DNAAF5: variants seen among roughly 807,000 people sequenced by gnomAD.
DNAAF5 encodes the protein dynein axonemal assembly factor 5, also known as HEAT repeat containing 2.
DNAAF5 carries 64 observed loss-of-function variants against 75.8 expected under a neutral mutation model. The observed-to-expected ratio is 0.84, with a 90% CI of 0.69 to 1.04. The LOEUF is 1.04. Ranked by LOEUF, DNAAF5 falls within the 50% of genes least tolerant of loss-of-function variation. The pLI, the probability that DNAAF5 is intolerant of heterozygous loss-of-function variation, is 0.00. For missense variants in DNAAF5, 1,269 were observed against 1,178.5 expected, an observed-to-expected ratio of 1.08 and a Z score of -1.12; for synonymous variants, 657 against 557.2, an observed-to-expected ratio of 1.18 and a Z score of -2.52.
intron 4 of DNAAF5, among the ~76,000 whole-genome samples, chr7:750,033 G>T (rs1038648485): frequency 6.6e-6 from 1 of 152,138 alleles, no homozygotes; most frequent in Non-Finnish European, 1.5e-5. Flanking sequence ...AGAAAAACAG[G>T]CTTCAGAACC....
At chr7:745,222 C>A (rs1782045710) in intron 4 of DNAAF5, among the ~76,000 whole-genome samples, 1 of 152,218 alleles carries the variant, frequency 6.6e-6, no homozygotes, top group Non-Finnish European at 1.5e-5. Flanking sequence ...GCAAATCGTT[C>A]TCCACGTGCT....
chr7:730,024 T>A (rs1320373054), intron 2 of DNAAF5, among the ~76,000 whole-genome samples, 177 bp downstream of exon 2: 2 of 152,214 alleles, frequency 1.3e-5, no homozygotes, highest in African/African-American at 2.4e-5. Context: ...AGAAGAGAGC[T>A]GAACTGTTTT....
At chr7:735,820 G>C (rs1018154872) in intron 2 of DNAAF5, among the ~76,000 whole-genome samples, 3 of 151,572 alleles carry the variant, frequency 2.0e-5, no homozygotes, top group East Asian at 3.9e-4. Context: ...TACTAATTTT[G>C]GGTTTGGTTT....
chr7:759,080 C>G (rs532804060), intron 6 of DNAAF5, among the ~76,000 whole-genome samples: 1 of 149,332 alleles, frequency 6.7e-6, no homozygotes, highest in African/African-American at 2.5e-5. Context: ...GCTCTTCCCA[C>G]GCCCCTGTGC....
chr7:740,941 C>T lies in DNAAF5; in HGVS notation c.903C>T (p.Val301=). ...LSSLNDEVPE[V]RQLAASLWED... ...GCCTCAACGACGAGGTGCCTGAGGT[C>T]AGGTACGTGGGCAGGCGGCCGCGGG... The change falls in exon 3 of 13, where the codon GTC becomes GTT. Residue 301 remains valine, a splice_region_variant and synonymous_variant. Coordinates refer to ENST00000297440, the MANE Select transcript of DNAAF5 (RefSeq NM_017802.4). 3 of 1,612,998 alleles carry T rather than the reference C, an allele frequency of 1.9e-6. No homozygotes were observed. The highest frequency in any genetic ancestry group is 1.3e-5 in the African/African-American group (1 of 75,060).
chr7:729,486 G>A (rs970570899), intron 1 of DNAAF5, among the ~76,000 whole-genome samples, 177 bp from the exon 2 acceptor site: 26 of 152,226 alleles, frequency 1.7e-4, no homozygotes, highest in African/African-American at 5.8e-4. Flanking sequence ...TGTGCCGGGC[G>A]GTACAGAGCT....
At chr7:773,392 C>T (rs1319726543) in intron 9 of DNAAF5, among the ~76,000 whole-genome samples, 1 of 152,128 alleles carries the variant, frequency 6.6e-6, no homozygotes, top group Non-Finnish European at 1.5e-5. Flanking sequence ...TTGAAACATA[C>T]CGTGGTGTTG....
At position 754,580 on chromosome 7, in the gene DNAAF5, TCG is replaced by T. The variant is rs1324028962; in HGVS notation, c.1025-8_1025-7del. ...AATTTCTCATTCTTCTTTCCCTTTTTCGTTCCAGAGCGCCGCCCTGTGCTGGG... is the reference window on the plus strand; with the variant it reads ...AATTTCTCATTCTTCTTTCCCTTTTTTTCCAGAGCGCCGCCCTGTGCTGGG... On this transcript the variant is annotated splice_region_variant and splice_polypyrimidine_tract_variant and intron_variant, in intron 4 of 12. Coordinates refer to ENST00000297440, the MANE Select transcript of DNAAF5 (RefSeq NM_017802.4). This position sits in a 1 kb window ranked among gnomAD's most constrained non-coding sequence, Gnocchi z 4.8. 5.0e-6 allele frequency: 8 copies of T among 1,606,598 alleles called. No homozygotes were observed. The highest frequency in any genetic ancestry group is 3.3e-5 in the South Asian group (3 of 90,724).
chr7:762,896 G>A (rs896475176), intron 7 of DNAAF5, among the ~76,000 whole-genome samples: 5 of 152,212 alleles, frequency 3.3e-5, no homozygotes, highest in Admixed American at 2.6e-4. Context: ...TCATAGGCAT[G>A]AGCCACCGCA....
At chr7:747,311 T>C (rs537708875) in intron 4 of DNAAF5, among the ~76,000 whole-genome samples, 8 of 152,264 alleles carry the variant, frequency 5.3e-5, no homozygotes, top group African/African-American at 1.9e-4. Flanking sequence ...AGTGTGTCGG[T>C]TGGTGTGCAG....
rs111944919 is a variant in DNAAF5 at position 732,306 on chromosome 7, G to A, written c.780+2459G>A. ...GGACACTGACCACACCCAGAACCCC[G>A]GCGAGGCAGGCAGGACGGACGTATG... On this transcript the variant is annotated intron_variant, in intron 2 of 12. Coordinates refer to ENST00000297440, the MANE Select transcript of DNAAF5 (RefSeq NM_017802.4). Among the ~76,000 whole-genome samples, 1,243 of 152,360 alleles carry A rather than the reference G, an allele frequency of 8.2e-3. 25 individuals are homozygous for A. Among genetic ancestry groups the A allele is most frequent in the African/African-American group, 0.029 (1,193 of 41,590 alleles).
chr7:740,681 G>T (rs564766636), intron 2 of DNAAF5, 138 bp from the exon 3 acceptor site: 2 of 1,221,986 alleles, frequency 1.6e-6, no homozygotes, highest in South Asian at 2.7e-5. Context: ...GCATCTAGGC[G>T]GTGGTAGGTG....
At chr7:762,409 C>T (rs958976037) in intron 7 of DNAAF5, among the ~76,000 whole-genome samples, 4 of 151,596 alleles carry the variant, frequency 2.6e-5, no homozygotes, top group African/African-American at 9.7e-5. Context: ...ATTGCTTGAA[C>T]CAGGGAAGCA....
At chr7:734,327 A>G (rs767325448) in intron 2 of DNAAF5, among the ~76,000 whole-genome samples, 23 of 152,194 alleles carry the variant, frequency 1.5e-4, no homozygotes, top group Non-Finnish European at 3.2e-4. Context: ...AATTTTATCA[A>G]TACTTTTCAG....
intron 6 of DNAAF5, among the ~76,000 whole-genome samples, chr7:761,148 C>T (rs1782630236): frequency 6.6e-6 from 1 of 152,240 alleles, no homozygotes; most frequent in Non-Finnish European, 1.5e-5. Context: ...GTTCACATTT[C>T]ACAAAATAAG....
At position 779,564 on chromosome 7, in the gene DNAAF5, A is replaced by T. The variant is rs142417643; in HGVS notation, c.2240-389A>T. On this transcript the variant is annotated intron_variant, in intron 11 of 12. Transcript: ENST00000297440. ...TCAGCTCTGGTGGGAGGGCAGGGTC[A>T]GAGCTGGGCAGGGTGGCCAGCTCGG... Among the ~76,000 whole-genome samples, 172 of 152,306 alleles carry T rather than the reference A, an allele frequency of 1.1e-3. 1 individual carries two copies. Among genetic ancestry groups the T allele is most frequent in the African/African-American group, 3.9e-3 (161 of 41,572 alleles).
At chr7:743,365 A>AC (rs1381875545) in intron 4 of DNAAF5, among the ~76,000 whole-genome samples, 2 of 118,256 alleles carry the variant, frequency 1.7e-5, no homozygotes, top group African/African-American at 6.2e-5. Context: ...ACAGAGTGAG[A>AC]CCCCGTTTAA....
chr7:730,870 T>A (rs1443504993), intron 2 of DNAAF5, among the ~76,000 whole-genome samples: 1 of 152,116 alleles, frequency 6.6e-6, no homozygotes, highest in Non-Finnish European at 1.5e-5. Flanking sequence ...GGCCGGCCCC[T>A]CCTGGAGCTG....
chr7:759,206 C>A (rs1399955570), intron 6 of DNAAF5, among the ~76,000 whole-genome samples: 1 of 152,040 alleles, frequency 6.6e-6, no homozygotes, highest in Non-Finnish European at 1.5e-5. Flanking sequence ...AAGAACAAAC[C>A]GAAATTGTTT....
Sources: gnomAD v4.1 joint callset for allele counts (sites outside exome capture counted in the v4.1 genomes callset) on GRCh38, gnomAD v4.1.1 for gene constraint, Gnocchi (gnomAD v3.1) non-coding constraint, MANE v1.5 for transcripts, NCBI Gene and HGNC (gene_info 2026-07-23, HGNC 2026-07-21) for gene names.